PHLDB2: variants seen among roughly 807,000 people sequenced by gnomAD.
PHLDB2 encodes the protein pleckstrin homology-like domain family B member 2.
PHLDB2 carries 71 observed loss-of-function variants against 123.6 expected under a neutral mutation model. The ratio of observed to expected loss-of-function variants is 0.57; its 90% CI spans 0.47 to 0.70. The LOEUF is 0.70. Among genes scored for constraint, PHLDB2 ranks in the 30% least tolerant of loss-of-function variants. The pLI, the probability that PHLDB2 is intolerant of heterozygous loss-of-function variation, is 0.00. For missense variants in PHLDB2, 1,446 were observed against 1,519.5 expected (o/e 0.95, Z 0.80); for synonymous variants, 547 against 541.6 (o/e 1.01, Z -0.14).
chr3:111,912,072 G>A (rs1342155589), intron 2 of PHLDB2, among the ~76,000 whole-genome samples: 3 of 152,212 alleles, frequency 2.0e-5, no homozygotes, highest in East Asian at 3.9e-4. Flanking sequence ...TCTATGGAGA[G>A]CGTGTGAAGC....
At chr3:111,826,163 G>T (rs1055361541) in intron 1 of PHLDB2, among the ~76,000 whole-genome samples, 32 of 152,094 alleles carry the variant, frequency 2.1e-4, no homozygotes, top group African/African-American at 7.0e-4. Context: ...AAAAGAATTA[G>T]CTAGGCATGG....
intron 1 of PHLDB2, 160 bp downstream of exon 1, chr3:111,859,736 C>CG (rs1046329656): frequency 1.5e-5 from 15 of 984,968 alleles, no homozygotes; most frequent in Non-Finnish European, 1.8e-5. Flanking sequence ...CTGCCCGGGC[C>CG]GAGGAGGGGC....
In PHLDB2 at chr3:111,975,929, A is replaced by G. The variant is rs2072467211; in HGVS notation, c.*1366A>G. 6.5e-6 allele frequency: 1 copy of G among 152,814 alleles called. No homozygotes were observed. Among genetic ancestry groups the G allele is most frequent in the East Asian group, 1.9e-4 (1 of 5,196 alleles). The allele number at this position is 152,814 out of a possible 1,614,324, so 9.5% of individuals were successfully genotyped here. A position where few individuals can be genotyped will look rare whatever the true frequency, so the allele number is the denominator to read the frequency against. Reference sequence around the variant, plus strand: ...TTTGTTAATTTGCAGTGTGGTTTGTATACACGTATACGTGTTATCAATAAT... The same window carrying G: ...TTTGTTAATTTGCAGTGTGGTTTGTGTACACGTATACGTGTTATCAATAAT... On this transcript the variant is annotated 3_prime_UTR_variant, in exon 18 of 18. Transcript: ENST00000431670.
chr3:111,832,661 A>T (rs1042311583), intron 1 of PHLDB2, among the ~76,000 whole-genome samples: 3 of 115,550 alleles, frequency 2.6e-5, no homozygotes, highest in African/African-American at 1.0e-4. Context: ...TTATACATAT[A>T]ATATATATAA....
At position 111,758,572 on chromosome 3, in the gene PHLDB2, C is replaced by A. The variant is rs574039243; in HGVS notation, c.-49+25869C>A. On this transcript the variant is annotated intron_variant, in intron 1 of 17. Coordinates refer to the PHLDB2 transcript ENST00000393923. ...TTGCACTTCCCGAGTGAGGCAATGC[C>A]TCGCCCTGCTTCAGCTGGTGCAGTG... Among the ~76,000 whole-genome samples the A allele has an allele frequency of 5.3e-5, 8 of 152,310 alleles. No individual in the cohort carries two copies. In the South Asian group the frequency reaches 1.7e-3, roughly 32 times the overall value.
chr3:111,845,381 A>C (rs1341183254), intron 1 of PHLDB2, among the ~76,000 whole-genome samples: 7 of 149,722 alleles, frequency 4.7e-5, no homozygotes, highest in South Asian at 2.1e-4. Context: ...AAAAAAAAAA[A>C]AAAACTATGG....
intron 5 of PHLDB2, among the ~76,000 whole-genome samples, chr3:111,921,268 A>G (rs2068484134): frequency 6.6e-6 from 1 of 152,246 alleles, no homozygotes; most frequent in African/African-American, 2.4e-5. Flanking sequence ...TTCCAATTTG[A>G]GAAAGAAAAA....
chr3:111,838,420 T>A (rs910024595), intron 1 of PHLDB2, among the ~76,000 whole-genome samples: 2 of 152,154 alleles, frequency 1.3e-5, no homozygotes, highest in African/African-American at 4.8e-5. Flanking sequence ...GAAAAGCAGC[T>A]CTACAAGAAT....
chr3:111,772,741 G>A (rs1482279585), intron 1 of PHLDB2, among the ~76,000 whole-genome samples: 2 of 151,978 alleles, frequency 1.3e-5, no homozygotes, highest in Non-Finnish European at 2.9e-5. Flanking sequence ...GAAGGGCTTA[G>A]CTATACCTAT....
At chr3:111,741,313 A>G (rs2059601337) in intron 1 of PHLDB2, among the ~76,000 whole-genome samples, 1 of 152,222 alleles carries the variant, frequency 6.6e-6, no homozygotes, top group East Asian at 1.9e-4. Context: ...AAAAGGGAAG[A>G]GGGGGCTTAT....
rs759163840 is a variant in PHLDB2, at chr3:111,919,180, G to T, written c.1828G>T (p.Asp610Tyr). The T allele has an allele frequency of 1.4e-5, 23 of 1,614,014 alleles. No individual in the cohort carries two copies. The South Asian group carries it at 2.2e-4, about 15-fold the overall frequency. Residue 610 changes from aspartate to tyrosine, a missense_variant, in exon 4 of 18, where the codon GAC (aspartate) becomes TAC (tyrosine). Transcript: ENST00000431670. Reference sequence around the variant, plus strand: ...CGAGGAACTTAAGCAAAAAATCAAAGACATAAATGATCAGATGGATGAGTC... The same window carrying T: ...CGAGGAACTTAAGCAAAAAATCAAATACATAAATGATCAGATGGATGAGTC... ...NLEELKQKIK[D>Y]INDQMDESFR...
chr3:111,884,144 G>A lies in PHLDB2; in HGVS notation c.67G>A (p.Val23Met), dbSNP rs765535506. The change falls in exon 2 of 18, where the codon GTG (valine) becomes ATG (methionine). Residue 23 changes from valine to methionine, a missense_variant. Transcript: ENST00000431670. ...LQNGSLEEDS[V>M]VHSVENDSQN... ...AAATGGTAGCTTAGAGGAAGACTCTGTGGTGCATTCTGTTGAGAACGATTC... is the reference window on the plus strand; with the variant it reads ...AAATGGTAGCTTAGAGGAAGACTCTATGGTGCATTCTGTTGAGAACGATTC... 3.7e-6 allele frequency: 6 copies of A among 1,614,158 alleles called. No homozygotes were observed. The Admixed American group carries it at 6.7e-5, about 18-fold the overall frequency.
rs781572225 is a variant in PHLDB2 at position 111,913,307 on chromosome 3, C to T, written c.1336-12C>T. 2 of 1,567,128 alleles carry T rather than the reference C, an allele frequency of 1.3e-6. No homozygotes were observed. Among genetic ancestry groups the T allele is most frequent in the Non-Finnish European group, 1.7e-6 (2 of 1,159,226 alleles). On this transcript the variant is annotated splice_polypyrimidine_tract_variant and intron_variant, in intron 2 of 17. Coordinates refer to ENST00000431670, the MANE Select transcript of PHLDB2 (RefSeq NM_001134438.2). ...CAAACCCACTGACCTCCCCCTCCTC[C>T]CTGTGTTCCAGGAGAGACAGCGTCT...
At chr3:111,910,727 TA>T (rs1231254894) in intron 2 of PHLDB2, among the ~76,000 whole-genome samples, 5 of 152,214 alleles carry the variant, frequency 3.3e-5, no homozygotes, top group African/African-American at 1.2e-4. Flanking sequence ...AAGGGAGAAT[TA>T]TCTTATGACA....
intron 11 of PHLDB2, 56 bp from the exon 12 acceptor site, chr3:111,953,874 C>T: frequency 7.2e-7 from 1 of 1,397,656 alleles, no homozygotes; most frequent in Non-Finnish European, 1.0e-6. Flanking sequence ...TGGCCATTTC[C>T]TAAAGGTCCA....
intron 1 of PHLDB2, among the ~76,000 whole-genome samples, chr3:111,832,197 C>T (rs2063072926): frequency 7.1e-6 from 1 of 141,328 alleles, no homozygotes; most frequent in Non-Finnish European, 1.5e-5. Flanking sequence ...TTTGGTACAG[C>T]ACCACTTCAT....
At chr3:111,815,311 T>C (rs1443883720) in intron 1 of PHLDB2, among the ~76,000 whole-genome samples, 1 of 152,066 alleles carries the variant, frequency 6.6e-6, no homozygotes, top group Non-Finnish European at 1.5e-5. Flanking sequence ...GAGTTTGGAA[T>C]TGGGTAACAG....
chr3:111,919,213 G>T lies in PHLDB2; in HGVS notation c.1861G>T (p.Glu621Ter), dbSNP rs1452479563. 1 of 1,613,970 alleles carries T rather than the reference G, an allele frequency of 6.2e-7. No homozygotes were observed. Among genetic ancestry groups the T allele is most frequent in the South Asian group, 1.1e-5 (1 of 91,058 alleles). ...TGATCAGATGGATGAGTCTTTCAGA[G>T]AGGTAAACTTTTTACCCTCTTCCCT... ...INDQMDESFR[E>*]LDMECALLDG... The change falls in exon 4 of 18, where the codon GAG (glutamate) becomes TAG (stop). Residue 621 changes from glutamate to a stop codon, truncating the protein, a stop_gained and splice_region_variant. Coordinates refer to ENST00000431670, the MANE Select transcript of PHLDB2 (RefSeq NM_001134438.2). LOFTEE classifies it high-confidence loss of function.
chr3:111,852,880 C>T (rs955032143), intron 2 of PHLDB2, among the ~76,000 whole-genome samples: 1 of 152,084 alleles, frequency 6.6e-6, no homozygotes, highest in Non-Finnish European at 1.5e-5. Flanking sequence ...AGAAATTAAT[C>T]AGATGTTCCA....
Sources: gnomAD v4.1 joint callset for allele counts (sites outside exome capture counted in the v4.1 genomes callset) on GRCh38, gnomAD v4.1.1 for gene constraint, MANE v1.5 for transcripts, NCBI Gene and HGNC (gene_info 2026-07-23, HGNC 2026-07-21) for gene names.